Variants in APLF observed in about 807,000 individuals in gnomAD.
The protein encoded by APLF is aprataxin and PNKP like factor.
Under a neutral mutation model 55.6 loss-of-function variants are expected in APLF, and 61 were observed. The observed-to-expected ratio is 1.10, with a 90% confidence interval of 0.89 to 1.36. The LOEUF is 1.36. Ranked by LOEUF, APLF falls within the 40% of genes most tolerant of loss-of-function variation. APLF has a pLI of 0.00. For synonymous variants in APLF, 207 were observed against 214.8 expected (o/e 0.96, Z 0.32); for missense variants, 611 against 602.5 (o/e 1.01, Z -0.15).
chr2:68,482,947 G>C (rs966805562), intron 1 of APLF, among the ~76,000 whole-genome samples: 1 of 151,572 alleles, frequency 6.6e-6, no homozygotes, highest in Admixed American at 6.6e-5. Context: ...TGGTGTTTTG[G>C]CCAGCCTGGG....
intron 2 of APLF, among the ~76,000 whole-genome samples, 185 bp downstream of exon 2, chr2:68,490,446 A>G (rs181492692): frequency 6.6e-6 from 1 of 152,310 alleles, no homozygotes; most frequent in East Asian, 1.9e-4. Context: ...ATTTTCTCAT[A>G]GGACAATGCC....
At chr2:68,478,145 A>T (rs989930710) in intron 1 of APLF, among the ~76,000 whole-genome samples, 1 of 152,120 alleles carries the variant, frequency 6.6e-6, no homozygotes, top group African/African-American at 2.4e-5. Flanking sequence ...TCTCCCAAAA[A>T]GCAGAGAAAA....
chr2:68,545,172 T>G lies in APLF; in HGVS notation c.1161-15T>G, dbSNP rs1670666849. 3.7e-6 allele frequency: 6 copies of G among 1,611,878 alleles called. No homozygotes were observed. Among genetic ancestry groups the G allele is most frequent in the Non-Finnish European group, 5.1e-6 (6 of 1,179,040 alleles). On this transcript the variant is annotated splice_polypyrimidine_tract_variant and intron_variant, in intron 7 of 9. Transcript: ENST00000303795. ...CTATTTTTTTTTTCTGACAGTATAT[T>G]TGTCGCCCTCCTAGGAAGAATCCTG...
At chr2:68,526,838 C>G (rs939939911) in intron 6 of APLF, among the ~76,000 whole-genome samples, 1 of 152,206 alleles carries the variant, frequency 6.6e-6, no homozygotes, top group Admixed American at 6.5e-5. Context: ...CAGGCACAAG[C>G]TACCATGCCC....
chr2:68,498,094 G>T (rs1477706433), intron 2 of APLF, among the ~76,000 whole-genome samples: 1 of 152,128 alleles, frequency 6.6e-6, no homozygotes, highest in African/African-American at 2.4e-5. Flanking sequence ...ATTGTTAATG[G>T]AAGTTTAAAG....
chr2:68,472,315 AC>A, intron 1 of APLF, among the ~76,000 whole-genome samples: 1 of 152,204 alleles, frequency 6.6e-6, no homozygotes, highest in East Asian at 1.9e-4. Context: ...CCCACAAGAG[AC>A]TTTGCAGGAC....
At chr2:68,525,313 T>A (rs951700546) in intron 5 of APLF, among the ~76,000 whole-genome samples, 1 of 151,344 alleles carries the variant, frequency 6.6e-6, no homozygotes, top group African/African-American at 2.4e-5. Flanking sequence ...AAAAAAAAAA[T>A]TAGCTTAAGT....
chr2:68,562,080 C>T (rs1352503363), intron 8 of APLF, among the ~76,000 whole-genome samples: 1 of 151,766 alleles, frequency 6.6e-6, no homozygotes, highest in Non-Finnish European at 1.5e-5. Context: ...GGAAATGATA[C>T]CGTTTGTGAT....
In APLF at chr2:68,480,300, T is replaced by G. The variant is rs146230433; in HGVS notation, c.97-9890T>G. 1.6e-3 allele frequency among the ~76,000 whole-genome samples: 237 copies of G among 151,594 alleles called. 1 individual carries two copies. The highest frequency in any genetic ancestry group is 5.5e-3 in the African/African-American group (226 of 41,274). ...TTTCCATTTAGATGCCCTTTCTTTT[T>G]CCTTTTTTTTTTTTTGTTTTTTGAG... On this transcript the variant is annotated intron_variant, in intron 1 of 9. Coordinates refer to ENST00000303795, the MANE Select transcript of APLF (RefSeq NM_173545.3).
chr2:68,539,034 A>G (rs1372324914), intron 7 of APLF, among the ~76,000 whole-genome samples: 1 of 152,190 alleles, frequency 6.6e-6, no homozygotes, highest in Non-Finnish European at 1.5e-5. Flanking sequence ...TTGCAATAGT[A>G]TATTTTAATA....
At chr2:68,516,472 A>G (rs2103958311) in intron 5 of APLF, among the ~76,000 whole-genome samples, 1 of 151,284 alleles carries the variant, frequency 6.6e-6, no homozygotes, top group South Asian at 2.1e-4. Context: ...TTTTTGTGAA[A>G]CAGGTGGTGT....
chr2:68,494,982 A>G (rs1676496233), intron 2 of APLF, among the ~76,000 whole-genome samples: 1 of 152,142 alleles, frequency 6.6e-6, no homozygotes, highest in Non-Finnish European at 1.5e-5. Flanking sequence ...GAACTCATGC[A>G]CTATTTGGAA....
rs141048408 is a variant in APLF at position 68,513,174 on chromosome 2, C to A, written c.436C>A (p.Leu146Met). Residue 146 changes from leucine (L) to methionine (M), a missense_variant, in exon 4 of 10, where the codon CTG (leucine) becomes ATG (methionine). Physicochemically the swap from Leu to Met is conservative, Grantham distance 15. Coordinates refer to ENST00000303795, the MANE Select transcript of APLF (RefSeq NM_173545.3). ...LPHETTGASQ[L>M]EGSTEIAKTQ... ...TCATGAGACTACTGGTGCCTCACAA[C>A]TGGAAGGAAGCACAGAAATAGCCAA... is the stretch of plus-strand genomic sequence containing the variant. 1.2e-6 allele frequency: 2 copies of A among 1,611,278 alleles called. No individual in the cohort carries two copies. Among genetic ancestry groups the A allele is most frequent in the Middle Eastern group, 1.7e-4 (1 of 6,044 alleles).
intron 1 of APLF, among the ~76,000 whole-genome samples, chr2:68,485,809 CT>C (rs1189243777): frequency 0.11 from 14,515 of 129,064 alleles, 934 homozygotes; most frequent in African/African-American, 0.3. Context: ...TTTATTATCT[CT>C]TTTTTTTTTT....
At chr2:68,503,957 G>GA (rs1227366872) in intron 3 of APLF, among the ~76,000 whole-genome samples, 1 of 151,916 alleles carries the variant, frequency 6.6e-6, no homozygotes, top group Non-Finnish European at 1.5e-5. Flanking sequence ...GGCTTACTGA[G>GA]AAAAAAGTGA....
At chr2:68,568,624 G>A (rs1334534121) in intron 9 of APLF, among the ~76,000 whole-genome samples, 1 of 151,990 alleles carries the variant, frequency 6.6e-6, no homozygotes, top group African/African-American at 2.4e-5. Context: ...TTATAGCATT[G>A]TCCCATGCAA....
At chr2:68,565,514 G>GATACATACATAC (rs372500629) in intron 8 of APLF, among the ~76,000 whole-genome samples, 81 of 149,030 alleles carry the variant, frequency 5.4e-4, no homozygotes, top group South Asian at 1.3e-3. Flanking sequence ...TAGACAGATA[G>GATACATACATAC]ATACATACAT....
chr2:68,530,041 C>T (rs1670205000), intron 6 of APLF, among the ~76,000 whole-genome samples: 1 of 152,192 alleles, frequency 6.6e-6, no homozygotes, highest in African/African-American at 2.4e-5. Context: ...GGACGCGGTG[C>T]CCTGACCTGA....
intron 5 of APLF, among the ~76,000 whole-genome samples, chr2:68,525,742 C>CTTTTTTTTTTTTTTTTTGTTTTTTTT (rs1670022988): frequency 1.2e-5 from 1 of 82,036 alleles, no homozygotes; most frequent in African/African-American, 6.2e-5. Context: ...TTCTTTCTTT[C>CTTTTTTTTTTTTTTTTTGTTTTTTTT]TTTTTTTTTT....
Sources: gnomAD v4.1 joint callset for allele counts (sites outside exome capture counted in the v4.1 genomes callset) on GRCh38, gnomAD v4.1.1 for gene constraint, MANE v1.5 for transcripts, NCBI Gene and HGNC (gene_info 2026-07-23, HGNC 2026-07-21) for gene names.